Variants in ADAMTS19 observed in about 807,000 individuals in gnomAD.
The protein encoded by ADAMTS19 is ADAM metallopeptidase with thrombospondin type 1 motif 19.
Under a neutral mutation model 153.3 loss-of-function variants are expected in ADAMTS19, and 93 were observed. That is an observed-to-expected ratio of 0.61 (90% CI 0.51 to 0.72). The LOEUF is 0.72. ADAMTS19 is among the 30% of genes least tolerant of loss of function. The pLI is 0.00. For synonymous variants in ADAMTS19, 600 were observed against 556.6 expected (o/e 1.08, Z -1.10); for missense variants, 1,482 against 1,552.1 (o/e 0.95, Z 0.76).
chr5:129,665,609 C>G, intron 16 of ADAMTS19, 30 bp downstream of exon 16: 2 of 1,551,728 alleles, frequency 1.3e-6, no homozygotes, highest in Non-Finnish European at 1.8e-6. Flanking sequence ...CAGAGAAGAT[C>G]CAAGTACGAG....
At chr5:129,646,034 G>A (rs1297368788) in intron 11 of ADAMTS19, among the ~76,000 whole-genome samples, 6 of 147,866 alleles carry the variant, frequency 4.1e-5, no homozygotes, top group Admixed American at 4.0e-4. Flanking sequence ...GACTACAGGC[G>A]CCCGCCACTA....
intron 21 of ADAMTS19, among the ~76,000 whole-genome samples, chr5:129,720,762 A>C (rs1423657029): frequency 2.0e-5 from 3 of 152,154 alleles, no homozygotes; most frequent in African/African-American, 7.2e-5. Flanking sequence ...GAGAGTAGTT[A>C]AGAGGTTTTT....
rs112904465 is a variant in ADAMTS19, at chr5:129,662,722, T to C, written c.2426-2777T>C. On this transcript the variant is annotated intron_variant, in intron 15 of 22. Coordinates refer to ENST00000274487, the MANE Select transcript of ADAMTS19 (RefSeq NM_133638.6). ...TCGGAGATTAACAGTTATCTCTTGA[T>C]TGGGACACTCAGAACTGACTGTCTT... is the stretch of plus-strand genomic sequence containing the variant. Among the ~76,000 whole-genome samples, 720 of 152,212 alleles carry C rather than the reference T, an allele frequency of 4.7e-3. 12 individuals are homozygous for C. Among genetic ancestry groups the C allele is most frequent in the African/African-American group, 0.016 (664 of 41,534 alleles).
chr5:129,723,651 A>G (rs563987518), intron 21 of ADAMTS19, among the ~76,000 whole-genome samples: 1 of 152,230 alleles, frequency 6.6e-6, no homozygotes, highest in Non-Finnish European at 1.5e-5. Flanking sequence ...CAGGGCAATA[A>G]AAGATTTATT....
chr5:129,556,281 A>C (rs888490844), intron 7 of ADAMTS19, among the ~76,000 whole-genome samples: 2 of 152,214 alleles, frequency 1.3e-5, no homozygotes, highest in Non-Finnish European at 1.5e-5. Flanking sequence ...CCCTGAAATT[A>C]GGATTCATTT....
intron 8 of ADAMTS19, among the ~76,000 whole-genome samples, chr5:129,618,971 C>T: frequency 1.3e-5 from 2 of 151,926 alleles, no homozygotes; most frequent in Middle Eastern, 6.8e-3. Flanking sequence ...GAGAGTGAAC[C>T]AAAAGTAAAA....
At chr5:129,466,496 T>C (rs1749866470) in intron 2 of ADAMTS19, among the ~76,000 whole-genome samples, 1 of 152,000 alleles carries the variant, frequency 6.6e-6, no homozygotes, top group Admixed American at 6.6e-5. Flanking sequence ...AAAAAAAGGT[T>C]AGATACAATG....
chr5:129,504,541 A>C (rs1751205943), intron 2 of ADAMTS19, among the ~76,000 whole-genome samples: 1 of 152,034 alleles, frequency 6.6e-6, no homozygotes, highest in Non-Finnish European at 1.5e-5. Flanking sequence ...TCTCTTGACA[A>C]TTTTCAAATA....
intron 7 of ADAMTS19, among the ~76,000 whole-genome samples, chr5:129,593,325 C>T (rs1020116482): frequency 2.0e-5 from 3 of 152,110 alleles, no homozygotes; most frequent in African/African-American, 4.8e-5. Flanking sequence ...TGCAATTTCA[C>T]GTTTATATTA....
intron 7 of ADAMTS19, among the ~76,000 whole-genome samples, chr5:129,587,006 C>T (rs1749837693): frequency 6.6e-6 from 1 of 152,042 alleles, no homozygotes; most frequent in Non-Finnish European, 1.5e-5. Flanking sequence ...TACTATGTTC[C>T]TCTTTAAAAC....
intron 16 of ADAMTS19, among the ~76,000 whole-genome samples, chr5:129,669,449 A>T (rs567636403): frequency 6.6e-6 from 1 of 152,228 alleles, no homozygotes; most frequent in African/African-American, 2.4e-5. Flanking sequence ...AGCATTGATT[A>T]TAACAGCCTC....
intron 21 of ADAMTS19, among the ~76,000 whole-genome samples, chr5:129,720,148 GTATA>G (rs35948614): frequency 0.16 from 22,395 of 142,974 alleles, 2,052 homozygotes; most frequent in East Asian, 0.31. Flanking sequence ...ATGTGTGTAT[GTATA>G]TATATATATA....
chr5:129,512,997 G>A (rs1272859976), intron 3 of ADAMTS19, among the ~76,000 whole-genome samples: 3 of 151,476 alleles, frequency 2.0e-5, no homozygotes, highest in Non-Finnish European at 4.4e-5. Context: ...TAATTCCAAA[G>A]TGTCTCCATT....
At chr5:129,502,708 G>T (rs1463012951) in intron 2 of ADAMTS19, among the ~76,000 whole-genome samples, 1 of 152,194 alleles carries the variant, frequency 6.6e-6, no homozygotes, top group East Asian at 1.9e-4. Flanking sequence ...TGAAATCACA[G>T]GTGGAGTGAA....
At chr5:129,540,005 A>T (rs576143237) in intron 6 of ADAMTS19, among the ~76,000 whole-genome samples, 8 of 152,244 alleles carry the variant, frequency 5.3e-5, no homozygotes, top group Non-Finnish European at 1.2e-4. Flanking sequence ...TAAGGAAAAA[A>T]TATCCCTTTC....
intron 11 of ADAMTS19, 131 bp from the exon 12 acceptor site, chr5:129,647,634 T>C: frequency 9.5e-7 from 1 of 1,049,198 alleles, no homozygotes; most frequent in South Asian, 2.0e-5. Context: ...TTATTTTTGG[T>C]CTTTCCTAAT....
intron 7 of ADAMTS19, among the ~76,000 whole-genome samples, chr5:129,579,774 T>C (rs186240525): frequency 1.3e-5 from 2 of 152,306 alleles, no homozygotes; most frequent in Admixed American, 1.3e-4. Context: ...CTGAGGCCTC[T>C]GTTCTGTCCC....
At chr5:129,620,494 C>T in intron 8 of ADAMTS19, 124 bp from the exon 9 acceptor site, 2 of 639,654 alleles carry the variant, frequency 3.1e-6, no homozygotes, top group Non-Finnish European at 4.5e-6. Context: ...AACTAATTTC[C>T]TTAAAACAAA....
At chr5:129,611,328 A>G (rs1751204187) in intron 8 of ADAMTS19, among the ~76,000 whole-genome samples, 1 of 152,054 alleles carries the variant, frequency 6.6e-6, no homozygotes, top group South Asian at 2.1e-4. Flanking sequence ...TTTTGTTACC[A>G]TTGCTTTTGG....
Sources: allele counts gnomAD v4.1 joint callset (sites outside exome capture counted in the v4.1 genomes callset), GRCh38; gene constraint gnomAD v4.1.1; transcripts MANE v1.5; gene names NCBI Gene and HGNC (gene_info 2026-07-23, HGNC 2026-07-21).